Variants in NOS2 observed in about 807,000 individuals in gnomAD.
The protein encoded by NOS2 is nitric oxide synthase 2, also known as nitric oxide synthase, inducible.
NOS2 carries 96 observed loss-of-function variants against 136.0 expected under a neutral mutation model. The observed-to-expected ratio is 0.71, with a 90% CI of 0.60 to 0.84. NOS2 has a LOEUF of 0.84. NOS2 is among the 40% of genes least tolerant of loss of function. The pLI is 0.00. For missense variants in NOS2, 1,237 were observed against 1,496.9 expected (o/e 0.83, Z 2.87); for synonymous variants, 539 against 587.5 (o/e 0.92, Z 1.20).
chr17:27,765,766 G>A (rs201557740), intron 19 of NOS2, 50 bp from the exon 20 acceptor site: 1 of 1,531,308 alleles, frequency 6.5e-7, no homozygotes, highest in Non-Finnish European at 8.8e-7. Context: ...TTTCCTCCAG[G>A]GCTCCTTGAT....
At chr17:27,758,051 G>A (rs1459112317) in intron 26 of NOS2, among the ~76,000 whole-genome samples, 1 of 152,186 alleles carries the variant, frequency 6.6e-6, no homozygotes, top group Non-Finnish European at 1.5e-5. Flanking sequence ...TCCCTGGGCT[G>A]TTTCCTGCTG....
chr17:27,759,171 C>G, intron 25 of NOS2, 96 bp from the exon 26 acceptor site: 2 of 856,942 alleles, frequency 2.3e-6, no homozygotes, highest in Admixed American at 3.2e-5. Flanking sequence ...GAGAGGGGCA[C>G]TAAGGGGTGA....
At chr17:27,789,523 C>T (rs1909126104) in intron 3 of NOS2, 81 bp downstream of exon 3, 3 of 1,127,262 alleles carry the variant, frequency 2.7e-6, no homozygotes, top group Non-Finnish European at 4.0e-6. Context: ...CCCTCTCCAG[C>T]CCAGCTCTAA....
chr17:27,759,048 G>A lies in NOS2; in HGVS notation c.3187C>T (p.Gln1063Ter). Reference protein sequence around the residue: ...KVYVQDILRQQLASEVLRVLH... With the variant: ...KVYVQDILRQ ...ACACGGAGCACCTCGCTGGCCAGCT[G>A]CTGCCGCAGGATGTCCTGAACATAG... is the stretch of plus-strand genomic sequence containing the variant. The change falls in exon 26 of 27, where the codon CAG becomes TAG. Residue 1063 changes from glutamine to a stop codon, truncating the protein, a stop_gained. Coordinates refer to ENST00000313735, the MANE Select transcript of NOS2 (RefSeq NM_000625.4). LOFTEE classifies it high-confidence loss of function. The A allele has an allele frequency of 6.2e-7, 1 of 1,604,802 alleles. No individual in the cohort carries two copies. The highest frequency in any genetic ancestry group is 8.5e-7 in the Non-Finnish European group (1 of 1,176,190).
At chr17:27,773,280 G>T in intron 12 of NOS2, 37 bp from the exon 13 acceptor site, 1 of 1,525,054 alleles carries the variant, frequency 6.6e-7, no homozygotes, top group Non-Finnish European at 9.1e-7. Context: ...GCAGGGCGGG[G>T]TCCTGGCTTG....
intron 1 of NOS2, among the ~76,000 whole-genome samples, 192 bp downstream of exon 1, chr17:27,800,147 T>C (rs1002556373): frequency 1.3e-5 from 2 of 152,250 alleles, no homozygotes; most frequent in African/African-American, 4.8e-5. Flanking sequence ...ACAGCTAATA[T>C]TTGCAGAAAA....
At chr17:27,768,845 C>A in intron 17 of NOS2, 132 bp downstream of exon 17, 1 of 1,018,486 alleles carries the variant, frequency 9.8e-7, no homozygotes, top group South Asian at 1.9e-5. Flanking sequence ...GTGGCCCTGG[C>A]CCATGCCTGG....
chr17:27,794,315 G>A (rs1006057592), intron 2 of NOS2, among the ~76,000 whole-genome samples: 19 of 152,212 alleles, frequency 1.2e-4, no homozygotes, highest in Admixed American at 9.2e-4. Flanking sequence ...TGGGTTAGGG[G>A]TGACTTCTAG....
rs988328371 is a variant in NOS2 at position 27,787,759 on chromosome 17, G to A, written c.386C>T (p.Pro129Leu). Residue 129 changes from proline to leucine, a missense_variant, in exon 5 of 27, where the codon CCC becomes CTC. This residue lies in a region of NOS2 where 440 missense variants were observed against 545.4 expected (regional missense o/e 0.81). Coordinates refer to ENST00000313735, the MANE Select transcript of NOS2 (RefSeq NM_000625.4). ...IMTPKSLTRGPRDKPTPPDEL... is the reference protein window; with the variant it reads ...IMTPKSLTRGLRDKPTPPDEL... ...ATCTGGAGGGGTAGGCTTGTCCCTG[G>A]GTCCTCTGGTCAAACTTTTGGGAGT... 1.9e-6 allele frequency: 3 copies of A among 1,613,514 alleles called. No homozygotes were observed. In the African/African-American group the frequency reaches 4.0e-5, roughly 22 times the overall value.
At chr17:27,761,001 G>T in intron 23 of NOS2, 143 bp downstream of exon 23, 1 of 864,042 alleles carries the variant, frequency 1.2e-6, no homozygotes, top group Non-Finnish European at 1.8e-6. Flanking sequence ...CCTGCTACAG[G>T]CAGCCACACC....
chr17:27,782,421 G>C (rs749755114), intron 6 of NOS2, among the ~76,000 whole-genome samples: 9 of 152,164 alleles, frequency 5.9e-5, no homozygotes, highest in Non-Finnish European at 2.9e-5. Flanking sequence ...AATCGGGATT[G>C]CCACAGCCCC....
intron 16 of NOS2, 125 bp downstream of exon 16, chr17:27,769,410 G>C: frequency 1.2e-6 from 1 of 862,162 alleles, no homozygotes; most frequent in South Asian, 1.5e-5. Flanking sequence ...ACAGACCTTA[G>C]ACCCAGGTCT....
chr17:27,797,584 A>C (rs1442764906), intron 2 of NOS2, among the ~76,000 whole-genome samples: 1 of 152,286 alleles, frequency 6.6e-6, no homozygotes, highest in East Asian at 1.9e-4. Context: ...TGCTGTACAC[A>C]TCCAGGGGGC....
intron 2 of NOS2, among the ~76,000 whole-genome samples, chr17:27,794,234 G>T (rs141686418): frequency 8.3e-4 from 126 of 152,248 alleles, no homozygotes; most frequent in African/African-American, 2.9e-3. Context: ...AGGCTGTCCC[G>T]GGAAGTGTTA....
At chr17:27,792,815 CAAAAAAAAAAAAA>C (rs34992777) in intron 2 of NOS2, among the ~76,000 whole-genome samples, 1 of 52,512 alleles carries the variant, frequency 1.9e-5, no homozygotes, top group Non-Finnish European at 3.2e-5. Flanking sequence ...CCTATCTCTA[CAAAAAAAAAAAAA>C]AAAAAAAAAA....
intron 5 of NOS2, among the ~76,000 whole-genome samples, chr17:27,784,335 G>A (rs28942373): frequency 0.01 from 1,538 of 152,198 alleles, 19 homozygotes; most frequent in Non-Finnish European, 0.016. Flanking sequence ...CTTGATTAGA[G>A]AAAAAAAGCA....
At chr17:27,784,450 A>G (rs1412930224) in intron 5 of NOS2, among the ~76,000 whole-genome samples, 1 of 151,332 alleles carries the variant, frequency 6.6e-6, no homozygotes, top group Non-Finnish European at 1.5e-5. Flanking sequence ...TCCCTCCCCA[A>G]ACAAAGCTTC....
chr17:27,766,661 T>G (rs1174138679), intron 18 of NOS2, 73 bp from the exon 19 acceptor site: 13 of 1,193,830 alleles, frequency 1.1e-5, no homozygotes, highest in Non-Finnish European at 1.6e-5. Flanking sequence ...CCCAGATGTC[T>G]GAGTCAGTGA....
At chr17:27,766,687 C>A in intron 18 of NOS2, 99 bp from the exon 19 acceptor site, 1 of 874,136 alleles carries the variant, frequency 1.1e-6, no homozygotes, top group South Asian at 1.3e-5. Context: ...GAACACCACC[C>A]TTGGGGCATC....
Sources: gnomAD v4.1 joint callset for allele counts (sites outside exome capture counted in the v4.1 genomes callset) on GRCh38, gnomAD v4.1.1 for gene constraint, gnomAD v4.1.1 regional missense constraint, MANE v1.5 for transcripts, NCBI Gene and HGNC (gene_info 2026-07-23, HGNC 2026-07-21) for gene names.